The following KAZN variants were observed in gnomAD, a reference collection of about 807,000 sequenced individuals.
KAZN encodes kazrin.
KAZN carries 40 observed loss-of-function variants against 87.4 expected under a neutral mutation model. That is an observed-to-expected ratio of 0.46 (90% CI 0.36 to 0.60). The LOEUF (loss-of-function observed/expected upper bound fraction) is 0.60. Among genes scored for constraint, KAZN ranks in the 20% least tolerant of loss-of-function variants. The pLI, the probability that KAZN is intolerant of heterozygous loss-of-function variation, is 0.00. For synonymous variants in KAZN, 466 were observed against 458.3 expected (o/e 1.02, Z -0.22); for missense variants, 898 against 1,073.9 (o/e 0.84, Z 2.29).
rs757504867 is a variant in KAZN at position 14,488,799 on chromosome 1, C to A, written c.250-110184C>A. On this transcript the variant is annotated intron_variant, in intron 2 of 16. Transcript: ENST00000636203. ...CAGGGATCCTTCCCGTTAGCCCTCTCCATCTGCCTCTGGCTTCCCATCACC... is the reference window on the plus strand; with the variant it reads ...CAGGGATCCTTCCCGTTAGCCCTCTACATCTGCCTCTGGCTTCCCATCACC... Among the ~76,000 whole-genome samples, 89 of 152,224 alleles carry A rather than the reference C, an allele frequency of 5.8e-4. 4 individuals are homozygous for A. Among genetic ancestry groups the A allele is most frequent in the Non-Finnish European group, 4.6e-4 (31 of 68,050 alleles).
chr1:14,901,158 A>G (rs1225645962), intron 1 of KAZN, among the ~76,000 whole-genome samples: 1 of 152,162 alleles, frequency 6.6e-6, no homozygotes. Flanking sequence ...AACTGGGGGA[A>G]GGCTTCAGAG....
At chr1:14,094,454 G>C (rs1041741059) in intron 1 of KAZN, among the ~76,000 whole-genome samples, 1 of 151,976 alleles carries the variant, frequency 6.6e-6, no homozygotes, top group Non-Finnish European at 1.5e-5. Context: ...AAAAGCCTAG[G>C]GAAAAATGCC....
At chr1:14,255,097 G>T (rs1358648522) in intron 2 of KAZN, among the ~76,000 whole-genome samples, 1 of 137,514 alleles carries the variant, frequency 7.3e-6, no homozygotes, top group Non-Finnish European at 1.5e-5. Context: ...TCCAGTCTGG[G>T]CAACAGACCA....
At chr1:15,065,886 G>T in intron 8 of KAZN, 133 bp downstream of exon 8, 1 of 1,506,376 alleles carries the variant, frequency 6.6e-7, no homozygotes, top group Non-Finnish European at 8.9e-7. Context: ...GTGGCCGTGC[G>T]TGGGGTGCGT....
At chr1:14,939,934 G>A (rs1039049305) in intron 1 of KAZN, among the ~76,000 whole-genome samples, 1 of 152,218 alleles carries the variant, frequency 6.6e-6, no homozygotes, top group Admixed American at 6.5e-5. Flanking sequence ...AGGAGTGCCA[G>A]GTTCCAAAGG....
intron 2 of KAZN, among the ~76,000 whole-genome samples, chr1:14,208,667 T>C (rs1292664750): frequency 6.6e-6 from 1 of 152,246 alleles, no homozygotes; most frequent in Non-Finnish European, 1.5e-5. Flanking sequence ...TGAGCTTTTA[T>C]TGTCTTTTCA....
chr1:14,414,344 G>GA (rs5772578), intron 2 of KAZN, among the ~76,000 whole-genome samples: 1,442 of 107,762 alleles, frequency 0.013, 14 homozygotes, highest in East Asian at 0.069. Flanking sequence ...TTTGTCATAG[G>GA]AAAAAAAAAA....
intron 1 of KAZN, among the ~76,000 whole-genome samples, chr1:13,945,531 A>G (rs1488416680): frequency 6.6e-6 from 1 of 152,060 alleles, no homozygotes; most frequent in East Asian, 1.9e-4. Context: ...CTCAAAAAAA[A>G]AAAAGTTCTG....
chr1:15,020,890 A>AC (rs1670600354), intron 2 of KAZN, among the ~76,000 whole-genome samples: 1 of 152,086 alleles, frequency 6.6e-6, no homozygotes. Context: ...CTGGATGTGA[A>AC]CCCAGATTGT....
chr1:14,357,048 C>T (rs1011203802), intron 2 of KAZN, among the ~76,000 whole-genome samples: 26 of 152,130 alleles, frequency 1.7e-4, no homozygotes, highest in African/African-American at 5.8e-4. Context: ...TTGATTCTTC[C>T]TATCCATGAG....
chr1:14,848,175 C>T (rs1312568881), intron 1 of KAZN, among the ~76,000 whole-genome samples: 2 of 152,200 alleles, frequency 1.3e-5, no homozygotes, highest in Admixed American at 1.3e-4. Context: ...TGAGCCTCTC[C>T]TCTGCCTTCT....
intron 1 of KAZN, among the ~76,000 whole-genome samples, chr1:14,654,217 G>T (rs1472431916): frequency 2.0e-5 from 3 of 151,436 alleles, no homozygotes; most frequent in Non-Finnish European, 4.4e-5. Context: ...AATCCAGGCG[G>T]TGGAGGTTGC....
At chr1:13,942,367 C>T (rs1403756274) in intron 1 of KAZN, among the ~76,000 whole-genome samples, 3 of 147,052 alleles carry the variant, frequency 2.0e-5, no homozygotes, top group Admixed American at 6.8e-5. Flanking sequence ...GGTGAAACCC[C>T]GTCTCTACTA....
chr1:14,482,221 C>T (rs548124576), intron 2 of KAZN, among the ~76,000 whole-genome samples: 22 of 152,304 alleles, frequency 1.4e-4, no homozygotes, highest in Middle Eastern at 3.4e-3. Context: ...ACCTACCCAA[C>T]CTGAAAGAAA....
intron 1 of KAZN, among the ~76,000 whole-genome samples, chr1:14,864,772 T>C (rs1424016263): frequency 2.6e-5 from 4 of 152,206 alleles, no homozygotes; most frequent in Middle Eastern, 6.8e-3. Flanking sequence ...TGGATTCAGA[T>C]TGCTGGGGGC....
At chr1:14,321,382 T>A (rs1656042614) in intron 2 of KAZN, among the ~76,000 whole-genome samples, 4 of 152,208 alleles carry the variant, frequency 2.6e-5, no homozygotes, top group Admixed American at 2.6e-4. Context: ...GTCTCCTCTA[T>A]ATCCAAATGG....
rs1354880801 is a variant in KAZN, at chr1:14,323,289, G to A, written c.249+142697G>A. On this transcript the variant is annotated intron_variant, in intron 2 of 16. Coordinates refer to the KAZN transcript ENST00000636203. The stretch of plus-strand genomic sequence containing the variant: ...CCAATCAAGCCACGTGGCCATGCCT[G>A]GTGGATGAGCAGGGAGGTGCAATCT... Among the ~76,000 whole-genome samples the A allele has an allele frequency of 2.6e-5, 4 of 152,184 alleles. 1 individual carries two copies. The highest frequency in any genetic ancestry group is 5.9e-5 in the Non-Finnish European group (4 of 68,002).
At chr1:14,468,934 T>C (rs1668305150) in intron 2 of KAZN, among the ~76,000 whole-genome samples, 1 of 152,242 alleles carries the variant, frequency 6.6e-6, no homozygotes, top group Non-Finnish European at 1.5e-5. Flanking sequence ...TTTGGCTTCA[T>C]CTTGGTATCA....
At chr1:14,362,532 A>G (rs1419263361) in intron 2 of KAZN, among the ~76,000 whole-genome samples, 1 of 152,214 alleles carries the variant, frequency 6.6e-6, no homozygotes, top group Non-Finnish European at 1.5e-5. Context: ...AGACATGAGG[A>G]TGAATGCCAG....
Sources: allele counts gnomAD v4.1 joint callset (sites outside exome capture counted in the v4.1 genomes callset), GRCh38; gene constraint gnomAD v4.1.1; transcripts MANE v1.5; gene names NCBI Gene and HGNC (gene_info 2026-07-23, HGNC 2026-07-21).